Variants in CAMK2D observed in about 807,000 individuals in gnomAD.
CAMK2D encodes calcium/calmodulin-dependent protein kinase type II subunit delta.
A neutral mutation model predicts 84.0 loss-of-function variants in CAMK2D; 37 were observed. That is an observed-to-expected ratio of 0.44 (90% CI 0.34 to 0.58). The LOEUF (loss-of-function observed/expected upper bound fraction) is 0.58, where lower values mean the gene tolerates loss of function less well. Ranked by LOEUF, CAMK2D falls within the 20% of genes least tolerant of loss-of-function variation. The probability of loss-of-function intolerance (pLI) is 0.02; values close to 1 mark genes in which losing one functional copy is unlikely to be tolerated. For synonymous variants in CAMK2D, 202 were observed against 212.5 expected (o/e 0.95, Z 0.43); for missense variants, 448 against 652.5 (o/e 0.69, Z 3.41).
At chr4:113,553,478 T>A (rs1171295465) in intron 4 of CAMK2D, among the ~76,000 whole-genome samples, 1 of 152,236 alleles carries the variant, frequency 6.6e-6, no homozygotes, top group East Asian at 1.9e-4. Context: ...TATTAAGTTC[T>A]GAAACATCAT....
intron 4 of CAMK2D, among the ~76,000 whole-genome samples, chr4:113,576,387 G>C (rs1009749151): frequency 8.6e-5 from 13 of 151,720 alleles, no homozygotes; most frequent in African/African-American, 3.1e-4. Context: ...TCAGTATAGA[G>C]ACTTAAAACA....
intron 2 of CAMK2D, among the ~76,000 whole-genome samples, chr4:113,723,241 T>C (rs77474774): frequency 6.6e-6 from 1 of 151,730 alleles, no homozygotes; most frequent in Non-Finnish European, 1.5e-5. Flanking sequence ...TTTTTTTTTT[T>C]TGAGACAGAG....
At chr4:113,495,699 T>C (rs894837979) in intron 16 of CAMK2D, among the ~76,000 whole-genome samples, 6 of 152,028 alleles carry the variant, frequency 3.9e-5, no homozygotes, top group African/African-American at 1.4e-4. Context: ...TACTACTACC[T>C]AGTAATCAGG....
chr4:113,453,851 T>C lies in CAMK2D; in HGVS notation c.*694A>G, dbSNP rs145314658. On this transcript the variant is annotated 3_prime_UTR_variant, in exon 21 of 21. Coordinates refer to ENST00000511664, the MANE Select transcript of CAMK2D (RefSeq NM_001321571.2). ...AATTCACCAAAACAATGTGAATATA[T>C]CCTAAAGTGATTAAACTCAGAAATG... The C allele has an allele frequency of 6.6e-6, 1 of 152,636 alleles. No homozygotes were observed. The highest frequency in any genetic ancestry group is 1.5e-5 in the Non-Finnish European group (1 of 68,018). The allele number at this position is 152,636 out of a possible 1,614,324, so 9.5% of individuals were successfully genotyped here.
In CAMK2D at chr4:113,517,469, A is replaced by G. The variant is rs540728456; in HGVS notation, c.696+94T>C. ...GAAATAATATGAGAAAGTGGTAAAA[A>G]TTATGGTTAAAAGAAAAATGAAAAG... On this transcript the variant is annotated intron_variant, in intron 9 of 20. Transcript: ENST00000511664. The G allele has an allele frequency of 9.5e-5, 54 of 565,644 alleles. 1 individual carries two copies. The South Asian group carries it at 1.8e-3, about 19-fold the overall frequency. 35.0% of individuals were successfully genotyped at this position (565,644 alleles called of 1,614,324 possible).
At chr4:113,673,249 A>G (rs2099300715) in intron 2 of CAMK2D, among the ~76,000 whole-genome samples, 1 of 152,246 alleles carries the variant, frequency 6.6e-6, no homozygotes, top group Non-Finnish European at 1.5e-5. Context: ...AAAAATAACT[A>G]CTACCTATTT....
rs114323839 is a variant in CAMK2D at position 113,521,716 on chromosome 4, T to C, written c.602-4059A>G. Reference sequence around the variant, plus strand: ...TAGATATTTTGATGTTACTAAGCAATAATTATTAAAATTTTAAAACTAATA... The same window carrying C: ...TAGATATTTTGATGTTACTAAGCAACAATTATTAAAATTTTAAAACTAATA... On this transcript the variant is annotated intron_variant, in intron 8 of 20. Transcript: ENST00000511664. 7.5e-3 allele frequency among the ~76,000 whole-genome samples: 1,142 copies of C among 152,244 alleles called. 16 individuals carry two copies. The highest frequency in any genetic ancestry group is 0.026 in the African/African-American group (1,083 of 41,558).
intron 2 of CAMK2D, among the ~76,000 whole-genome samples, chr4:113,737,377 A>G (rs551882633): frequency 6.6e-6 from 1 of 152,282 alleles, no homozygotes; most frequent in South Asian, 2.1e-4. Context: ...AAAGTAAAAC[A>G]AGTCAGACAG....
intron 3 of CAMK2D, among the ~76,000 whole-genome samples, chr4:113,617,946 C>T (rs1592016611): frequency 6.6e-6 from 1 of 151,602 alleles, no homozygotes; most frequent in Non-Finnish European, 1.5e-5. Context: ...GACACACACA[C>T]ATATATATAT....
chr4:113,456,649 A>G (rs1044068648), intron 19 of CAMK2D: 1 of 152,324 alleles, frequency 6.6e-6, no homozygotes, highest in Non-Finnish European at 1.5e-5. Context: ...CATTAACTCT[A>G]CTGTATTCTG....
chr4:113,506,319 C>T (rs554627670), intron 13 of CAMK2D, among the ~76,000 whole-genome samples: 6 of 152,050 alleles, frequency 3.9e-5, no homozygotes, highest in Admixed American at 6.5e-5. Context: ...TTACTGGTAT[C>T]GTTATTTTTA....
chr4:113,577,791 T>A (rs1342445800), intron 4 of CAMK2D, among the ~76,000 whole-genome samples: 1 of 151,922 alleles, frequency 6.6e-6, no homozygotes, highest in Non-Finnish European at 1.5e-5. Flanking sequence ...CTTGTATAAT[T>A]ATTTGCATAA....
chr4:113,648,671 T>C (rs1437162134), intron 3 of CAMK2D, among the ~76,000 whole-genome samples: 5 of 152,310 alleles, frequency 3.3e-5, no homozygotes, highest in South Asian at 2.1e-4. Flanking sequence ...ACAGACGTTA[T>C]GTTGCTTTTT....
chr4:113,680,984 A>G (rs551745038), intron 2 of CAMK2D, among the ~76,000 whole-genome samples: 25 of 152,354 alleles, frequency 1.6e-4, no homozygotes, highest in African/African-American at 5.8e-4. Flanking sequence ...AGAATGAAGT[A>G]CAAAAGGATT....
intron 2 of CAMK2D, among the ~76,000 whole-genome samples, chr4:113,666,958 G>A (rs1291264348): frequency 6.6e-6 from 1 of 152,080 alleles, no homozygotes; most frequent in Non-Finnish European, 1.5e-5. Context: ...TTTGAGGGCA[G>A]GTTAATTTTG....
rs1457099496 is a variant in CAMK2D at position 113,742,259 on chromosome 4, T to G, written c.160+17061A>C. Among the ~76,000 whole-genome samples the G allele has an allele frequency of 3.9e-5, 6 of 152,284 alleles. No homozygotes were observed. In the East Asian group the frequency reaches 1.2e-3, roughly 29 times the overall value. ...AACCAGAGAAACAAAGTCCAAGAGT[T>G]ACAAAAGTTTCAGCATAAAAAATAT... On this transcript the variant is annotated intron_variant, in intron 2 of 20. Transcript: ENST00000511664.
At chr4:113,555,293 G>A (rs1422757396) in intron 4 of CAMK2D, among the ~76,000 whole-genome samples, 1 of 152,162 alleles carries the variant, frequency 6.6e-6, no homozygotes, top group Admixed American at 6.5e-5. Context: ...AGCAGTGCTC[G>A]AGGTGGTGGG....
intron 2 of CAMK2D, among the ~76,000 whole-genome samples, chr4:113,715,613 G>A (rs2099511112): frequency 6.6e-6 from 1 of 152,014 alleles, no homozygotes; most frequent in Non-Finnish European, 1.5e-5. Flanking sequence ...TGTTATAGGT[G>A]GTTTCCAGGA....
intron 4 of CAMK2D, among the ~76,000 whole-genome samples, chr4:113,593,101 A>G (rs1171194804): frequency 2.0e-5 from 3 of 152,096 alleles, no homozygotes; most frequent in Non-Finnish European, 4.4e-5. Context: ...TGATCTGCCT[A>G]CCCTGGCCTC....
Sources: gnomAD v4.1 joint callset for allele counts (sites outside exome capture counted in the v4.1 genomes callset) on GRCh38, gnomAD v4.1.1 for gene constraint, MANE v1.5 for transcripts, NCBI Gene and HGNC (gene_info 2026-07-23, HGNC 2026-07-21) for gene names.